ABCA8: variants seen among roughly 807,000 people sequenced by gnomAD.
ABCA8 encodes ABC-type organic anion transporter ABCA8.
ABCA8 carries 177 observed loss-of-function variants against 192.3 expected under a neutral mutation model. The ratio of observed to expected loss-of-function variants is 0.92; its 90% confidence interval spans 0.81 to 1.04. The LOEUF (loss-of-function observed/expected upper bound fraction) is 1.04. Among genes scored for constraint, ABCA8 ranks in the 50% least tolerant of loss-of-function variants. The probability of loss-of-function intolerance (pLI) is 0.00; values close to 1 mark genes in which losing one functional copy is unlikely to be tolerated. For synonymous variants in ABCA8, 642 were observed against 690.2 expected, an observed-to-expected ratio of 0.93 and a Z score of 1.09; for missense variants, 1,915 against 1,904.8, an observed-to-expected ratio of 1.01 and a Z score of -0.10.
At position 68,929,113 on chromosome 17, in the gene ABCA8, G is replaced by T; in HGVS notation, c.1061C>A (p.Pro354His). 1 of 1,604,846 alleles carries T rather than the reference G, an allele frequency of 6.2e-7. No homozygotes were observed. Residue 354 changes from proline (P) to histidine (H), a missense_variant, in exon 9 of 40, where the codon CCT becomes CAT. Physicochemically the swap from Pro to His is moderately conservative, Grantham distance 77. Transcript: ENST00000586539. ...LGFTSLYRHL[P>H]ASLEWILSLL... Reference sequence around the variant, plus strand: ...GCTTAAAATCCACTCCAAGGATGCAGGAAGGTGTCTGTACAGTGATGTGAA... The same window carrying T: ...GCTTAAAATCCACTCCAAGGATGCATGAAGGTGTCTGTACAGTGATGTGAA...
intron 26 of ABCA8, among the ~76,000 whole-genome samples, chr17:68,886,390 T>G (rs992278164): frequency 6.6e-6 from 1 of 152,220 alleles, no homozygotes; most frequent in African/African-American, 2.4e-5. Context: ...TTTCCTCTGC[T>G]AGGTTTCTGT....
chr17:68,917,906 A>G (rs1598256525), intron 16 of ABCA8, 141 bp downstream of exon 16: 4 of 1,013,928 alleles, frequency 3.9e-6, no homozygotes, highest in East Asian at 5.1e-5. Flanking sequence ...CTTTGCGTCC[A>G]GTTCAAATTA....
intron 5 of ABCA8, among the ~76,000 whole-genome samples, chr17:68,935,789 T>G (rs921181746): frequency 6.6e-6 from 1 of 152,048 alleles, no homozygotes; most frequent in Non-Finnish European, 1.5e-5. Flanking sequence ...ATAAAGGTTG[T>G]ACTAATTTAC....
Position 68,919,334 on chromosome 17 carries a change from T to C in ABCA8, c.1755A>G (p.Ile585Met). ...CCACTTCTTGTGGCAGAATCCCTTT[T>C]ATTTTAGCAAAGAGTCTGAGGTTTT... is the stretch of plus-strand genomic sequence containing the variant. ...VRENLRLFAK[I>M]KGILPQEVDK... The change falls in exon 14 of 40, where the codon ATA becomes ATG. Residue 585 changes from isoleucine (I) to methionine (M), a missense_variant. Transcript: ENST00000586539. The C allele has an allele frequency of 6.2e-7, 1 of 1,613,272 alleles. No homozygotes were observed. Among genetic ancestry groups the C allele is most frequent in the Non-Finnish European group, 8.5e-7 (1 of 1,179,656 alleles).
intron 21 of ABCA8, among the ~76,000 whole-genome samples, chr17:68,898,369 T>C (rs1384926971): frequency 6.6e-6 from 1 of 152,014 alleles, no homozygotes; most frequent in Non-Finnish European, 1.5e-5. Context: ...AAAATAAAAA[T>C]AATAAAGAAT....
chr17:68,884,521 T>C (rs2066413602), intron 27 of ABCA8, 125 bp from the exon 28 acceptor site: 10 of 1,377,702 alleles, frequency 7.3e-6, no homozygotes, highest in Non-Finnish European at 9.4e-7. Context: ...TAAGTGTCCT[T>C]TCTAAAGTGT....
At chr17:68,954,707 T>G (rs1303281990) in intron 1 of ABCA8, among the ~76,000 whole-genome samples, 1 of 152,212 alleles carries the variant, frequency 6.6e-6, no homozygotes, top group African/African-American at 2.4e-5. Flanking sequence ...GAAAGAATCT[T>G]ACATTTCTAA....
intron 32 of ABCA8, chr17:68,878,970 GTACT>G (rs1163665616): frequency 1.3e-5 from 2 of 152,202 alleles, no homozygotes; most frequent in African/African-American, 4.8e-5. Context: ...ATTCTGTTCT[GTACT>G]TCCCTTGGAC....
In ABCA8 at chr17:68,893,608, ATTCC is replaced by A. The variant is rs149361178; in HGVS notation, c.3036+561_3036+564del. On this transcript the variant is annotated intron_variant, in intron 23 of 39. Transcript: ENST00000586539. ...CTTTCCTTCCTTCATTCATTCGTTC[ATTCC>A]TTCCTTCCTTCCTTCATTCTTTCCT... Among the ~76,000 whole-genome samples the A allele has an allele frequency of 6.7e-3, 971 of 144,968 alleles. 8 individuals carry two copies. The highest frequency in any genetic ancestry group is 0.024 in the African/African-American group (939 of 39,200).
intron 10 of ABCA8, among the ~76,000 whole-genome samples, chr17:68,927,087 C>T (rs1180421824): frequency 1.3e-5 from 2 of 151,958 alleles, no homozygotes; most frequent in African/African-American, 2.4e-5. Context: ...GAAACCCCAT[C>T]GTCTCTACTA....
At chr17:68,914,893 T>C (rs1297679087) in intron 17 of ABCA8, among the ~76,000 whole-genome samples, 1 of 76,706 alleles carries the variant, frequency 1.3e-5, no homozygotes, top group Non-Finnish European at 2.4e-5. Flanking sequence ...CTTCAAATTA[T>C]ACTAGAGTTG....
intron 17 of ABCA8, among the ~76,000 whole-genome samples, chr17:68,910,864 A>G (rs896110973): frequency 4.6e-5 from 7 of 152,128 alleles, no homozygotes; most frequent in African/African-American, 1.4e-4. Flanking sequence ...CCTTGAAGAA[A>G]AAGACCCAGT....
Position 68,923,206 on chromosome 17 carries a change from A to ATTT in ABCA8, c.1443-909_1443-907dup, listed in dbSNP as rs374039541. On this transcript the variant is annotated intron_variant, in intron 11 of 39. Coordinates refer to ENST00000586539, the MANE Select transcript of ABCA8 (RefSeq NM_001288985.2). ...TTAATTAGATATTATTATTATTATT[A>ATTT]TTTTTTTTTTTGAGAGAGAGTCTTG... Among the ~76,000 whole-genome samples the ATTT allele has an allele frequency of 4.5e-3, 653 of 145,972 alleles. 2 individuals are homozygous for ATTT. The highest frequency in any genetic ancestry group is 8.2e-3 in the Non-Finnish European group (547 of 66,762).
At chr17:68,901,535 C>T (rs186867292) in intron 21 of ABCA8, among the ~76,000 whole-genome samples, 5 of 152,234 alleles carry the variant, frequency 3.3e-5, no homozygotes, top group East Asian at 1.9e-4. Context: ...AGGCCGGGCG[C>T]GGTGGCTCAC....
intron 3 of ABCA8, 143 bp from the exon 4 acceptor site, chr17:68,941,105 G>A: frequency 3.1e-6 from 2 of 650,132 alleles, no homozygotes; most frequent in South Asian, 4.1e-5. Context: ...TCTGCTGAAA[G>A]TCAATGTGTT....
chr17:68,881,581 T>A (rs566004529), intron 31 of ABCA8, among the ~76,000 whole-genome samples: 1 of 152,382 alleles, frequency 6.6e-6, no homozygotes, highest in East Asian at 1.9e-4. Context: ...TGAAAAACAA[T>A]GAACTTTAGG....
chr17:68,930,372 C>T lies in ABCA8; in HGVS notation c.798-670G>A, dbSNP rs141668278. Among the ~76,000 whole-genome samples, 854 of 152,256 alleles carry T rather than the reference C, an allele frequency of 5.6e-3. 7 individuals carry two copies. Among genetic ancestry groups the T allele is most frequent in the African/African-American group, 0.019 (800 of 41,546 alleles). ...AAGTCTACATACTTGCCTTTAGTTCCGTTCATTGTTTTTGTTAAGAAAGAT... is the reference window on the plus strand; with the variant it reads ...AAGTCTACATACTTGCCTTTAGTTCTGTTCATTGTTTTTGTTAAGAAAGAT... On this transcript the variant is annotated intron_variant, in intron 7 of 39. Transcript: ENST00000586539.
rs770352360 is a variant in ABCA8 at position 68,894,207 on chromosome 17, A to G, written c.3002T>C (p.Val1001Ala). 1.2e-6 allele frequency: 2 copies of G among 1,613,426 alleles called. No individual in the cohort carries two copies. Among genetic ancestry groups the G allele is most frequent in the East Asian group, 4.5e-5 (2 of 44,754 alleles). Residue 1001 changes from valine to alanine, a missense_variant, in exon 23 of 40, where the codon GTA becomes GCA. Val to Ala is a moderately conservative substitution (Grantham distance 64). Transcript: ENST00000586539. Reference protein sequence around the residue: ...NGLLGMVKPSVHIRTERSTFL... With the variant: ...NGLLGMVKPSAHIRTERSTFL... ...TGTACTTCTTTCAGTTCGGATATGT[A>G]CTGATGGTTTAACCATTCCAAGTAG...
At chr17:68,930,457 C>A (rs1474810478) in intron 7 of ABCA8, among the ~76,000 whole-genome samples, 3 of 152,066 alleles carry the variant, frequency 2.0e-5, no homozygotes, top group South Asian at 2.1e-4. Flanking sequence ...TCATCAATTT[C>A]TTTTCTTTTG....
Sources: gnomAD v4.1 joint callset for allele counts (sites outside exome capture counted in the v4.1 genomes callset) on GRCh38, gnomAD v4.1.1 for gene constraint, MANE v1.5 for transcripts, NCBI Gene and HGNC (gene_info 2026-07-23, HGNC 2026-07-21) for gene names.